KLHL29: variants seen among roughly 807,000 people sequenced by gnomAD.
KLHL29 encodes kelch like family member 29.
A neutral mutation model predicts 80.4 loss-of-function variants in KLHL29; 21 were observed. The observed-to-expected ratio is 0.26, with a 90% confidence interval of 0.19 to 0.38. The LOEUF (loss-of-function observed/expected upper bound fraction) is 0.38. Ranked by LOEUF, KLHL29 falls within the 10% of genes least tolerant of loss-of-function variation. The probability of loss-of-function intolerance (pLI) is 1.00; values close to 1 mark genes in which losing one functional copy is unlikely to be tolerated. For missense variants in KLHL29, 867 were observed against 1,223.9 expected (o/e 0.71, Z 4.35); for synonymous variants, 511 against 526.8 (o/e 0.97, Z 0.41).
chr2:23,583,581 G>A (rs947327340), intron 3 of KLHL29, among the ~76,000 whole-genome samples: 6 of 152,204 alleles, frequency 3.9e-5, no homozygotes, highest in Admixed American at 2.0e-4. Flanking sequence ...AGCTGGGTGC[G>A]TCATTTACGT....
At chr2:23,483,347 A>G (rs144332394) in intron 2 of KLHL29, among the ~76,000 whole-genome samples, 1 of 152,372 alleles carries the variant, frequency 6.6e-6, no homozygotes, top group East Asian at 1.9e-4. Flanking sequence ...AAGCCTGAAG[A>G]TATAAAAAGA....
At chr2:23,626,283 G>A (rs1304133531) in intron 3 of KLHL29, among the ~76,000 whole-genome samples, 1 of 152,194 alleles carries the variant, frequency 6.6e-6, no homozygotes, top group Admixed American at 6.5e-5. Flanking sequence ...TGCCAGCAAT[G>A]GGGAGCAGTT....
chr2:23,617,920 G>T (rs1221331726), intron 3 of KLHL29: 3 of 152,340 alleles, frequency 2.0e-5, no homozygotes, highest in Middle Eastern at 3.4e-3. Context: ...GGTGTTGGAA[G>T]CACCGAAGAC....
chr2:23,611,884 C>CAAAA (rs61102659), intron 3 of KLHL29, among the ~76,000 whole-genome samples: 1 of 127,798 alleles, frequency 7.8e-6, no homozygotes, highest in Non-Finnish European at 1.7e-5. Flanking sequence ...CAGATGCAAC[C>CAAAA]AAAAAAAAAA....
At chr2:23,613,670 A>G (rs1668925555) in intron 3 of KLHL29, among the ~76,000 whole-genome samples, 1 of 147,920 alleles carries the variant, frequency 6.8e-6, no homozygotes, top group Non-Finnish European at 1.5e-5. Context: ...AGGCTGAGGC[A>G]GGAGAATCGT....
chr2:23,567,776 G>A (rs1667626268), intron 3 of KLHL29, among the ~76,000 whole-genome samples: 3 of 152,246 alleles, frequency 2.0e-5, no homozygotes, highest in Non-Finnish European at 2.9e-5. Context: ...TGCCGAGTGG[G>A]CTCAGTTGGG....
chr2:23,529,587 C>G (rs1013177680), intron 2 of KLHL29, among the ~76,000 whole-genome samples: 1 of 152,194 alleles, frequency 6.6e-6, no homozygotes, highest in Non-Finnish European at 1.5e-5. Flanking sequence ...CCACCCGCCC[C>G]CACCAAAGCA....
At chr2:23,532,973 T>C (rs1666544409) in intron 2 of KLHL29, among the ~76,000 whole-genome samples, 1 of 150,422 alleles carries the variant, frequency 6.6e-6, no homozygotes, top group Non-Finnish European at 1.5e-5. Flanking sequence ...GAGGGGAGGG[T>C]TCCCTCTACG....
chr2:23,458,333 G>T (rs1441271219), intron 1 of KLHL29, among the ~76,000 whole-genome samples: 5 of 152,194 alleles, frequency 3.3e-5, no homozygotes, highest in Non-Finnish European at 5.9e-5. Flanking sequence ...GGCTTTGAGG[G>T]CCATTTTGTC....
intron 1 of KLHL29, among the ~76,000 whole-genome samples, chr2:23,409,275 A>G (rs1666805644): frequency 6.6e-6 from 1 of 152,196 alleles, no homozygotes; most frequent in African/African-American, 2.4e-5. Flanking sequence ...CACTCTCCGC[A>G]GCTGTACTGA....
intron 1 of KLHL29, among the ~76,000 whole-genome samples, chr2:23,450,590 C>T (rs1043517334): frequency 6.6e-6 from 1 of 152,078 alleles, no homozygotes; most frequent in African/African-American, 2.4e-5. Flanking sequence ...ATGGACATTC[C>T]TCCCGTTTTT....
In KLHL29 at chr2:23,706,890, T is replaced by C. The variant is rs149847608; in HGVS notation, c.*226T>C. 38 of 462,204 alleles carry C rather than the reference T, an allele frequency of 8.2e-5. No individual in the cohort carries two copies. Among genetic ancestry groups the C allele is most frequent in the African/African-American group, 7.6e-4 (38 of 50,036 alleles). 28.6% of individuals were successfully genotyped at this position (462,204 alleles called of 1,614,324 possible). ...AGCCGCAGGAACCACGATCCCGCCA[T>C]GGGGCTGGCTGCCTCCTGAACAGGG... On this transcript the variant is annotated 3_prime_UTR_variant, in exon 14 of 14. Transcript: ENST00000486442.
chr2:23,694,312 G>A (rs1409355998), intron 8 of KLHL29, among the ~76,000 whole-genome samples: 3 of 152,096 alleles, frequency 2.0e-5, no homozygotes, highest in Admixed American at 6.5e-5. Context: ...CGCTACACGC[G>A]CTCATTCCTG....
intron 1 of KLHL29, among the ~76,000 whole-genome samples, chr2:23,468,250 A>T (rs1020892125): frequency 1.3e-5 from 2 of 152,226 alleles, no homozygotes; most frequent in East Asian, 3.9e-4. Context: ...CCCTCAGATT[A>T]TAAATCTTCC....
intron 1 of KLHL29, among the ~76,000 whole-genome samples, chr2:23,435,867 G>C (rs1380837268): frequency 1.3e-5 from 2 of 148,796 alleles, no homozygotes; most frequent in East Asian, 2.0e-4. Flanking sequence ...TGCTTAGCTA[G>C]TTCTGGGTTT....
intron 1 of KLHL29, among the ~76,000 whole-genome samples, chr2:23,473,278 G>C (rs1664546091): frequency 1.3e-5 from 2 of 152,050 alleles, no homozygotes; most frequent in African/African-American, 4.8e-5. Flanking sequence ...AAAACATGAG[G>C]GATGCTCTCC....
intron 2 of KLHL29, among the ~76,000 whole-genome samples, chr2:23,505,383 A>C (rs73919721): frequency 3.3e-4 from 50 of 152,266 alleles, no homozygotes; most frequent in Admixed American, 1.2e-3. Context: ...CCTGATGGAC[A>C]CTTTGCTCAG....
chr2:23,585,108 G>A (rs1489855802), intron 3 of KLHL29, among the ~76,000 whole-genome samples: 1 of 152,234 alleles, frequency 6.6e-6, no homozygotes, highest in Non-Finnish European at 1.5e-5. Context: ...AGCAGGAAAC[G>A]GCTGTCAGAT....
At chr2:23,546,431 T>G (rs1666981351) in intron 2 of KLHL29, among the ~76,000 whole-genome samples, 1 of 152,094 alleles carries the variant, frequency 6.6e-6, no homozygotes, top group African/African-American at 2.4e-5. Flanking sequence ...AGTGAATCAT[T>G]TATATCAAGA....
Sources: gnomAD v4.1 joint callset for allele counts (sites outside exome capture counted in the v4.1 genomes callset) on GRCh38, gnomAD v4.1.1 for gene constraint, MANE v1.5 for transcripts, NCBI Gene and HGNC (gene_info 2026-07-23, HGNC 2026-07-21) for gene names.